RPTOR: variants seen among roughly 807,000 people sequenced by gnomAD.
RPTOR encodes regulatory-associated protein of mTOR.
In RPTOR, 21 loss-of-function variants were observed where a neutral mutation model predicts 169.9. That is an observed-to-expected ratio of 0.12 (90% CI 0.09 to 0.18). The LOEUF is 0.18. Among genes scored for constraint, RPTOR ranks in the 10% least tolerant of loss-of-function variants. The pLI, the probability that RPTOR is intolerant of heterozygous loss-of-function variation, is 1.00. For missense variants in RPTOR, 1,133 were observed against 1,855.9 expected, an observed-to-expected ratio of 0.61 and a Z score of 7.16; for synonymous variants, 732 against 753.2, an observed-to-expected ratio of 0.97 and a Z score of 0.46.
chr17:80,837,450 C>T (rs2067577180), intron 9 of RPTOR, among the ~76,000 whole-genome samples: 1 of 152,196 alleles, frequency 6.6e-6, no homozygotes. Flanking sequence ...TGCATGCCGA[C>T]CCCTCCTGAT....
At chr17:80,912,674 T>G (rs2068626507) in intron 21 of RPTOR, among the ~76,000 whole-genome samples, 1 of 152,148 alleles carries the variant, frequency 6.6e-6, no homozygotes, top group Admixed American at 6.5e-5. Context: ...GGATTGTGTG[T>G]GACATGTAGT....
chr17:80,616,126 T>C (rs891261723), intron 1 of RPTOR, among the ~76,000 whole-genome samples: 1 of 152,104 alleles, frequency 6.6e-6, no homozygotes. Context: ...GGGTAACATA[T>C]TGCTGGATAA....
Position 80,823,279 on chromosome 17 carries a change from G to A in RPTOR, c.1136+56G>A. Reference sequence around the variant, plus strand: ...GCTCCCCCGCCCTCCGTGGCACTGTGATGTCATGGAATTGCACGGAGCTGG... The same window carrying A: ...GCTCCCCCGCCCTCCGTGGCACTGTAATGTCATGGAATTGCACGGAGCTGG... On this transcript the variant is annotated intron_variant, in intron 9 of 33. Transcript: ENST00000306801. The surrounding 1 kb of genome is among the most constrained non-coding windows in gnomAD (Gnocchi z 4.5). The A allele has an allele frequency of 8.8e-6, 14 of 1,594,812 alleles. 1 individual carries two copies. In the South Asian group the frequency reaches 1.3e-4, roughly 15 times the overall value.
intron 2 of RPTOR, among the ~76,000 whole-genome samples, chr17:80,627,523 C>A (rs1296568264): frequency 6.6e-6 from 1 of 152,156 alleles, no homozygotes. Flanking sequence ...TGATTTTTTC[C>A]TTTTACAGAA....
intron 7 of RPTOR, among the ~76,000 whole-genome samples, chr17:80,809,776 C>T (rs1274330896): frequency 5.9e-5 from 9 of 152,044 alleles, no homozygotes; most frequent in Admixed American, 5.9e-4. Flanking sequence ...TGGTGGCTCA[C>T]GTCTGTAATC....
chr17:80,923,760 A>C (rs1004761943), intron 23 of RPTOR, 87 bp downstream of exon 23: 23 of 1,392,416 alleles, frequency 1.7e-5, no homozygotes, highest in Non-Finnish European at 2.2e-5. Flanking sequence ...CAGGCTGCTC[A>C]CATCACCATG....
At chr17:80,938,542 G>A (rs11658177) in intron 24 of RPTOR, among the ~76,000 whole-genome samples, 4,741 of 152,204 alleles carry the variant, frequency 0.031, 101 homozygotes, top group Non-Finnish European at 0.049. Flanking sequence ...CAGGATTGTC[G>A]TCAAGTGAAA....
intron 21 of RPTOR, among the ~76,000 whole-genome samples, chr17:80,916,403 G>A (rs2068673774): frequency 1.3e-5 from 2 of 152,232 alleles, no homozygotes; most frequent in African/African-American, 4.8e-5. Flanking sequence ...AGTGCCTAGA[G>A]CTGCCCACCC....
chr17:80,788,591 G>C (rs1253518228), intron 6 of RPTOR, among the ~76,000 whole-genome samples: 3 of 152,200 alleles, frequency 2.0e-5, no homozygotes, highest in African/African-American at 7.2e-5. Flanking sequence ...CTTTGAATGT[G>C]ATCTACTCTT....
intron 1 of RPTOR, among the ~76,000 whole-genome samples, chr17:80,569,129 C>T (rs545499640): frequency 3.3e-5 from 5 of 152,208 alleles, no homozygotes; most frequent in Admixed American, 6.5e-5. Context: ...GTTATTTCCT[C>T]GTCACTCTCA....
At chr17:80,694,280 G>T (rs2066017467) in intron 3 of RPTOR, among the ~76,000 whole-genome samples, 1 of 152,216 alleles carries the variant, frequency 6.6e-6, no homozygotes, top group South Asian at 2.1e-4. Flanking sequence ...TTCAAGCCTG[G>T]TCCCAGGGGC....
intron 17 of RPTOR, among the ~76,000 whole-genome samples, chr17:80,886,416 G>T (rs927268255): frequency 6.6e-6 from 1 of 152,174 alleles, no homozygotes; most frequent in Non-Finnish European, 1.5e-5. Flanking sequence ...CGTTCTCCTC[G>T]TGGCCGGGTT....
At chr17:80,739,178 G>GC (rs770265793) in intron 5 of RPTOR, among the ~76,000 whole-genome samples, 52 of 35,012 alleles carry the variant, frequency 1.5e-3, no homozygotes, top group African/African-American at 5.3e-3. Context: ...GGCTCGCCCC[G>GC]CCCCGACGCG....
chr17:80,705,677 A>G (rs1309275252), intron 3 of RPTOR, among the ~76,000 whole-genome samples: 1 of 152,126 alleles, frequency 6.6e-6, no homozygotes, highest in Non-Finnish European at 1.5e-5. Flanking sequence ...TGGAAATGCC[A>G]GGGAACCTTT....
intron 2 of RPTOR, among the ~76,000 whole-genome samples, chr17:80,638,411 CT>C (rs11399351): frequency 0.046 from 5,805 of 126,110 alleles, 100 homozygotes; most frequent in Non-Finnish European, 0.067. Context: ...TTCTTCCTTT[CT>C]TTTTTTTTTT....
chr17:80,693,153 T>C (rs1220586056), intron 3 of RPTOR, among the ~76,000 whole-genome samples: 6 of 152,242 alleles, frequency 3.9e-5, no homozygotes, highest in African/African-American at 1.4e-4. Context: ...CTTGGCCCGA[T>C]TGGCATTTGG....
chr17:80,548,693 T>C (rs555440151), intron 1 of RPTOR, among the ~76,000 whole-genome samples: 2 of 152,146 alleles, frequency 1.3e-5, no homozygotes, highest in South Asian at 4.2e-4. Flanking sequence ...TTTTGACCAG[T>C]GGGTTACCTA....
chr17:80,877,146 A>G (rs1232799042), intron 13 of RPTOR, among the ~76,000 whole-genome samples: 1 of 152,174 alleles, frequency 6.6e-6, no homozygotes, highest in East Asian at 1.9e-4. Context: ...TGTGGTTTCA[A>G]GTCTTGTTTC....
At chr17:80,883,677 A>T in intron 15 of RPTOR, 104 bp from the exon 16 acceptor site, 2 of 1,354,746 alleles carry the variant, frequency 1.5e-6, no homozygotes, top group Non-Finnish European at 2.1e-6. Context: ...GAGCAAATCA[A>T]GGCTTCCCAA....
Sources: gnomAD v4.1 joint callset for allele counts (sites outside exome capture counted in the v4.1 genomes callset) on GRCh38, gnomAD v4.1.1 for gene constraint, Gnocchi (gnomAD v3.1) non-coding constraint, MANE v1.5 for transcripts, NCBI Gene and HGNC (gene_info 2026-07-23, HGNC 2026-07-21) for gene names.